CCDC137: variants seen among roughly 807,000 people sequenced by gnomAD.
CCDC137 encodes coiled-coil domain-containing protein 137.
A neutral mutation model predicts 30.4 loss-of-function variants in CCDC137; 24 were observed. The ratio of observed to expected loss-of-function variants is 0.79; its 90% CI spans 0.57 to 1.11. The LOEUF (loss-of-function observed/expected upper bound fraction) is 1.11. Among genes scored for constraint, CCDC137 ranks in the 50% least tolerant of loss-of-function variants. The probability of loss-of-function intolerance (pLI) is 0.00; values close to 1 mark genes in which losing one functional copy is unlikely to be tolerated. For missense variants in CCDC137, 417 were observed against 380.4 expected (o/e 1.10, Z -0.80); for synonymous variants, 182 against 155.7 (o/e 1.17, Z -1.26).
Position 81,667,807 on chromosome 17 carries a change from G to C in CCDC137, c.213G>C (p.Met71Ile). The C allele has an allele frequency of 6.2e-7, 1 of 1,612,776 alleles. No individual in the cohort carries two copies. The highest frequency in any genetic ancestry group is 8.5e-7 in the Non-Finnish European group (1 of 1,179,982). ...TTCCTTTCCGGCTCCGGGAGATTAT[G>C]AGGAGCCGCCAAGAGATGAAAAACC... ...QEIPFRLREI[M>I]RSRQEMKNPI... Residue 71 changes from methionine (M) to isoleucine (I), a missense_variant, in exon 2 of 6, where the codon ATG becomes ATC. Transcript: ENST00000329214.
At chr17:81,671,039 G>T (rs2036714199) in intron 3 of CCDC137, among the ~76,000 whole-genome samples, 1 of 151,960 alleles carries the variant, frequency 6.6e-6, no homozygotes, top group Admixed American at 6.6e-5. Context: ...GCCTGAGGCA[G>T]TGGAATCGCT....
intron 3 of CCDC137, among the ~76,000 whole-genome samples, chr17:81,671,139 GAAAAA>G (rs1056271070): frequency 1.8e-5 from 2 of 113,002 alleles, no homozygotes; most frequent in African/African-American, 6.4e-5. Flanking sequence ...TCAAAAAAAA[GAAAAA>G]AAAAAAAAAG....
Position 81,670,437 on chromosome 17 carries a change from A to T in CCDC137, c.481A>T (p.Lys161Ter). ...AGCTCCCAAGGAGAAGTCTGAGCAG[A>T]AAAAAGCAAAAAAAGCGTGAGTGGA... ...QAAPKEKSEQ[K>*]KAKKAFQKRR... is the part of the protein sequence containing the mutation. The change falls in exon 3 of 6, where the codon AAA becomes TAA. Residue 161 changes from lysine to a stop codon, truncating the protein, a stop_gained. Transcript: ENST00000329214. LOFTEE classifies it high-confidence loss of function. 6.2e-7 allele frequency: 1 copy of T among 1,613,040 alleles called. No individual in the cohort carries two copies. Among genetic ancestry groups the T allele is most frequent in the Non-Finnish European group, 8.5e-7 (1 of 1,179,864 alleles).
chr17:81,667,958 A>T, intron 2 of CCDC137, 96 bp downstream of exon 2: 1 of 1,423,734 alleles, frequency 7.0e-7, no homozygotes, highest in Non-Finnish European at 9.4e-7. Flanking sequence ...CAGAGGAAAT[A>T]TGCCAAGACC....
chr17:81,671,549 G>A, intron 3 of CCDC137, 195 bp from the exon 4 acceptor site: 1 of 584,676 alleles, frequency 1.7e-6, no homozygotes, highest in Non-Finnish European at 3.1e-6. Context: ...TGAGGGGCCT[G>A]TTGGGGTCAG....
chr17:81,670,637 T>G (rs1173128837), intron 3 of CCDC137, among the ~76,000 whole-genome samples, 184 bp downstream of exon 3: 1 of 152,142 alleles, frequency 6.6e-6, no homozygotes, highest in Non-Finnish European at 1.5e-5. Context: ...AGTGAGGGTG[T>G]GGCCTCCAGG....
chr17:81,669,820 C>G (rs1025816904), intron 2 of CCDC137, among the ~76,000 whole-genome samples: 1 of 151,720 alleles, frequency 6.6e-6, no homozygotes, highest in African/African-American at 2.4e-5. Context: ...CTTGGCCTCC[C>G]AAAGTGCTGG....
intron 3 of CCDC137, among the ~76,000 whole-genome samples, chr17:81,671,246 C>T (rs1172548617): frequency 6.6e-6 from 1 of 152,158 alleles, no homozygotes; most frequent in Non-Finnish European, 1.5e-5. Flanking sequence ...AGTGAAAGTT[C>T]ATCACAGAGA....
chr17:81,670,356 C>G lies in CCDC137; in HGVS notation c.400C>G (p.Gln134Glu), dbSNP rs900055555. The change falls in exon 3 of 6, where the codon CAG becomes GAG. Residue 134 changes from glutamine (Q) to glutamate (E), a missense_variant. Transcript: ENST00000329214. ...AYIHRMQQEA[Q>E]HVLFLSKNQA... ...TATCCACCGCATGCAGCAAGAGGCC[C>G]AGCATGTGCTGTTCCTCAGCAAGAA... 4 of 1,613,832 alleles carry G rather than the reference C, an allele frequency of 2.5e-6. No homozygotes were observed. Among genetic ancestry groups the G allele is most frequent in the Non-Finnish European group, 3.4e-6 (4 of 1,179,946 alleles).
At chr17:81,672,430 G>A in intron 5 of CCDC137, 65 bp from the exon 6 acceptor site, 1 of 1,456,522 alleles carries the variant, frequency 6.9e-7, no homozygotes, top group Non-Finnish European at 9.3e-7. Flanking sequence ...TGTTGAAGCT[G>A]TGAGGCTTTC....
rs578141058 is a variant in CCDC137, at chr17:81,669,306, C to T, written c.269-919C>T. 6.6e-5 allele frequency among the ~76,000 whole-genome samples: 10 copies of T among 151,824 alleles called. No individual in the cohort carries two copies. In the East Asian group the frequency reaches 7.8e-4, roughly 12 times the overall value. On this transcript the variant is annotated intron_variant, in intron 2 of 5. Coordinates refer to ENST00000329214, the MANE Select transcript of CCDC137 (RefSeq NM_199287.3). ...GATTACAGGCCTGTGCCACCATGCCCGGCTCGTTTTTGTATTTTTAGTAAA... is the reference window on the plus strand; with the variant it reads ...GATTACAGGCCTGTGCCACCATGCCTGGCTCGTTTTTGTATTTTTAGTAAA...
chr17:81,672,936 CATCT>C lies in CCDC137; in HGVS notation c.*233_*236del. The C allele has an allele frequency of 1.8e-6, 1 of 560,034 alleles. No homozygotes were observed. The allele number at this position is 560,034 out of a possible 1,614,324, so 34.7% of individuals were successfully genotyped here. ...TGGGGCCCGGTGTCACTCACAGCTC[CATCT>C]CTTTGTTTTGAACGTCCATTCTGAG... is the stretch of plus-strand genomic sequence containing the variant. On this transcript the variant is annotated 3_prime_UTR_variant, in exon 6 of 6. Transcript: ENST00000329214.
chr17:81,667,865 G>C lies in CCDC137; in HGVS notation c.268+3G>C, dbSNP rs1353802128. ...TAACAAGAAGAGGAAGAAAGCAGGT[G>C]TGTGCAGGCCCATACTGGGCGGCAG... On this transcript the variant is annotated splice_donor_region_variant and intron_variant, in intron 2 of 5. Coordinates refer to ENST00000329214, the MANE Select transcript of CCDC137 (RefSeq NM_199287.3). 4 of 1,611,118 alleles carry C rather than the reference G, an allele frequency of 2.5e-6. No homozygotes were observed. Among genetic ancestry groups the C allele is most frequent in the Non-Finnish European group, 3.4e-6 (4 of 1,179,754 alleles).
intron 2 of CCDC137, among the ~76,000 whole-genome samples, chr17:81,669,414 G>T (rs529140887): frequency 6.6e-5 from 10 of 152,322 alleles, no homozygotes; most frequent in African/African-American, 1.9e-4. Flanking sequence ...CAAAGTGCTG[G>T]GATTACAGGT....
At position 81,666,776 on chromosome 17, in the gene CCDC137, G is replaced by C; in HGVS notation, c.10G>C (p.Ala4Pro). ...GCCTCCCGGCGTGGAGATGGCGGGA[G>C]CTGGTCGCGGAGCAGCGGTGTCCAG... The part of the protein sequence containing the change: MAG[A>P]GRGAAVSRVQ... Residue 4 changes from alanine (A) to proline (P), a missense_variant, in exon 1 of 6, where the codon GCT (alanine) becomes CCT (proline). Ala to Pro is a conservative substitution (Grantham distance 27, BLOSUM62 -1). Coordinates refer to ENST00000329214, the MANE Select transcript of CCDC137 (RefSeq NM_199287.3). 2 of 1,468,622 alleles carry C rather than the reference G, an allele frequency of 1.4e-6. No homozygotes were observed. The highest frequency in any genetic ancestry group is 1.4e-5 in the South Asian group (1 of 72,328). The allele number at this position is 1,468,622 out of a possible 1,614,324, so 91.0% of individuals were successfully genotyped here.
chr17:81,668,400 G>T (rs2036675643), intron 2 of CCDC137, among the ~76,000 whole-genome samples: 1 of 152,180 alleles, frequency 6.6e-6, no homozygotes, highest in Non-Finnish European at 1.5e-5. Context: ...TCTGGGTAGG[G>T]TGTCCACATG....
Position 81,672,909 on chromosome 17 carries a change from C to G in CCDC137, c.*205C>G. 1 of 581,424 alleles carries G rather than the reference C, an allele frequency of 1.7e-6. No homozygotes were observed. The allele number at this position is 581,424 out of a possible 1,614,324, so 36.0% of individuals were successfully genotyped here. A position where few individuals can be genotyped will look rare whatever the true frequency, so the allele number is the denominator to read the frequency against. On this transcript the variant is annotated 3_prime_UTR_variant, in exon 6 of 6. Transcript: ENST00000329214. Reference sequence around the variant, plus strand: ...GCCAAGGCCTGGTTGACAGACGGCCCGTGGGGCCCGGTGTCACTCACAGCT... The same window carrying G: ...GCCAAGGCCTGGTTGACAGACGGCCGGTGGGGCCCGGTGTCACTCACAGCT...
chr17:81,668,632 G>A (rs1021802835), intron 2 of CCDC137, among the ~76,000 whole-genome samples: 2 of 152,296 alleles, frequency 1.3e-5, no homozygotes, highest in African/African-American at 4.8e-5. Context: ...GGGAGGAGGC[G>A]CACTGGCCTG....
intron 3 of CCDC137, 41 bp downstream of exon 3, chr17:81,670,494 C>G: frequency 1.3e-6 from 2 of 1,549,826 alleles, no homozygotes; most frequent in Admixed American, 1.8e-5. Context: ...CCCTGGGAGC[C>G]GGAGGGAAGA....
Sources: gnomAD v4.1 joint callset for allele counts (sites outside exome capture counted in the v4.1 genomes callset) on GRCh38, gnomAD v4.1.1 for gene constraint, MANE v1.5 for transcripts, NCBI Gene and HGNC (gene_info 2026-07-23, HGNC 2026-07-21) for gene names.